Variants in PTPN13 observed in about 807,000 individuals in gnomAD.
The protein encoded by PTPN13 is tyrosine-protein phosphatase non-receptor type 13.
In PTPN13, 191 loss-of-function variants were observed where a neutral mutation model predicts 284.0. The observed-to-expected ratio is 0.67, with a 90% CI of 0.60 to 0.76. The LOEUF is 0.76. PTPN13 is among the 30% of genes least tolerant of loss of function. The pLI, the probability that PTPN13 is intolerant of heterozygous loss-of-function variation, is 0.00. For missense variants in PTPN13, 2,797 were observed against 2,939.9 expected, an observed-to-expected ratio of 0.95 and a Z score of 1.12; for synonymous variants, 986 against 1,022.3, an observed-to-expected ratio of 0.96 and a Z score of 0.68.
At chr4:86,656,693 G>GTC (rs1725863211) in intron 2 of PTPN13, among the ~76,000 whole-genome samples, 1 of 152,210 alleles carries the variant, frequency 6.6e-6, no homozygotes, top group Admixed American at 6.5e-5. Flanking sequence ...TGAGGAGGCA[G>GTC]TCTGTCTGTT....
chr4:86,596,528 C>T (rs971258200), intron 1 of PTPN13, among the ~76,000 whole-genome samples: 33 of 152,072 alleles, frequency 2.2e-4, no homozygotes, highest in African/African-American at 7.0e-4. Flanking sequence ...CTCCTAAATA[C>T]GGTATGTGAA....
Position 86,727,910 on chromosome 4 carries a change from G to A in PTPN13, c.1609-4490G>A, listed in dbSNP as rs973529819. Among the ~76,000 whole-genome samples, 20 of 149,424 alleles carry A rather than the reference G, an allele frequency of 1.3e-4. 3 individuals are homozygous for A. Among genetic ancestry groups the A allele is most frequent in the African/African-American group, 3.4e-4 (14 of 41,064 alleles). On this transcript the variant is annotated intron_variant, in intron 10 of 47. Transcript: ENST00000411767. Reference sequence around the variant, plus strand: ...TAGTTCTTTTAATTGTGATGTTAGGGTGTTGATTTTATATCTTTCCTGCTT... The same window carrying A: ...TAGTTCTTTTAATTGTGATGTTAGGATGTTGATTTTATATCTTTCCTGCTT...
In PTPN13 at chr4:86,750,642, G is replaced by T. The variant is rs748274481; in HGVS notation, c.2823G>T (p.Ser941=). ...ILKRLSCSEL[S]LYQPLQNSSK... is the part of the protein sequence containing the mutation. ...AGAGGCTATCCTGCTCAGAGCTGTC[G>T]CTTTACCAGCCATTGCAAAACAGTT... The change falls in exon 18 of 48, where the codon TCG becomes TCT. Residue 941 remains serine, a synonymous_variant. Transcript: ENST00000411767. 3.7e-6 allele frequency: 6 copies of T among 1,613,932 alleles called. No individual in the cohort carries two copies. Among genetic ancestry groups the T allele is most frequent in the Non-Finnish European group, 5.1e-6 (6 of 1,179,874 alleles).
At chr4:86,708,682 A>C (rs942734934) in intron 7 of PTPN13, among the ~76,000 whole-genome samples, 1 of 152,058 alleles carries the variant, frequency 6.6e-6, no homozygotes, top group African/African-American at 2.4e-5. Context: ...AAGACCCAGC[A>C]ATTTTAAACT....
chr4:86,615,032 A>G (rs142323388), intron 1 of PTPN13, among the ~76,000 whole-genome samples: 5 of 152,234 alleles, frequency 3.3e-5, no homozygotes, highest in African/African-American at 1.2e-4. Flanking sequence ...ATAGTACACA[A>G]TTTGTTTTTA....
At chr4:86,666,169 A>G (rs191845662) in intron 2 of PTPN13, among the ~76,000 whole-genome samples, 122 of 152,308 alleles carry the variant, frequency 8.0e-4, no homozygotes, top group African/African-American at 2.8e-3. Flanking sequence ...GGCTTACACT[A>G]TACTGTCTCT....
chr4:86,671,717 T>C (rs1727738061), intron 2 of PTPN13, among the ~76,000 whole-genome samples: 1 of 152,142 alleles, frequency 6.6e-6, no homozygotes, highest in African/African-American at 2.4e-5. Flanking sequence ...AATGAACAAA[T>C]GTAAATAAGA....
intron 39 of PTPN13, 41 bp downstream of exon 39, chr4:86,785,409 C>G (rs374492619): frequency 2.0e-6 from 3 of 1,491,556 alleles, no homozygotes; most frequent in Non-Finnish European, 2.7e-6. Flanking sequence ...CTATGGAGTA[C>G]AAAAACGTCT....
chr4:86,602,966 T>G (rs887283713), intron 1 of PTPN13, among the ~76,000 whole-genome samples: 1 of 152,186 alleles, frequency 6.6e-6, no homozygotes, highest in African/African-American at 2.4e-5. Flanking sequence ...CTTAAGGTGT[T>G]GGGATTACAG....
intron 2 of PTPN13, among the ~76,000 whole-genome samples, chr4:86,642,521 C>T (rs1166352270): frequency 2.2e-5 from 3 of 135,968 alleles, no homozygotes; most frequent in Admixed American, 8.3e-5. Flanking sequence ...GGTGCAATCT[C>T]GGCTCACTGC....
At chr4:86,613,649 A>G (rs957236327) in intron 1 of PTPN13, among the ~76,000 whole-genome samples, 2 of 150,844 alleles carry the variant, frequency 1.3e-5, no homozygotes, top group South Asian at 4.2e-4. Context: ...AAAAAAAAAA[A>G]AAGAGTTTGG....
intron 36 of PTPN13, among the ~76,000 whole-genome samples, chr4:86,780,789 T>A (rs1392248137): frequency 6.6e-6 from 1 of 152,108 alleles, no homozygotes; most frequent in Non-Finnish European, 1.5e-5. Flanking sequence ...TAAAAAGGAA[T>A]GGACTATTGA....
chr4:86,752,918 A>G (rs925860669), intron 19 of PTPN13, 91 bp from the exon 20 acceptor site: 9 of 883,338 alleles, frequency 1.0e-5, no homozygotes, highest in Non-Finnish European at 1.5e-5. Context: ...TTATTGTTCT[A>G]TTGATTTTTA....
At chr4:86,633,386 G>A (rs1000505097) in intron 1 of PTPN13, among the ~76,000 whole-genome samples, 1 of 152,062 alleles carries the variant, frequency 6.6e-6, no homozygotes, top group Non-Finnish European at 1.5e-5. Context: ...GATTCCTAAA[G>A]TGTGTATTAG....
chr4:86,637,652 A>G (rs1301687135), intron 2 of PTPN13, among the ~76,000 whole-genome samples: 3 of 151,098 alleles, frequency 2.0e-5, no homozygotes, highest in Admixed American at 2.0e-4. Flanking sequence ...AAAACTCTCA[A>G]TAAATTAGGT....
At chr4:86,781,849 G>C (rs1488781026) in intron 36 of PTPN13, among the ~76,000 whole-genome samples, 1 of 151,666 alleles carries the variant, frequency 6.6e-6, no homozygotes, top group Non-Finnish European at 1.5e-5. Flanking sequence ...TGTAATCCCA[G>C]ATACTTGGGA....
chr4:86,700,599 A>G (rs943963053), intron 6 of PTPN13, among the ~76,000 whole-genome samples: 2 of 152,186 alleles, frequency 1.3e-5, no homozygotes, highest in African/African-American at 4.8e-5. Flanking sequence ...TTTTTAGTGC[A>G]TGAGGGTCTG....
In PTPN13 at chr4:86,597,562, G is replaced by A. The variant is rs866295743; in HGVS notation, c.-6+2773G>A. 2.6e-5 allele frequency among the ~76,000 whole-genome samples: 4 copies of A among 152,248 alleles called. No homozygotes were observed. The East Asian group carries it at 5.8e-4, about 22-fold the overall frequency. On this transcript the variant is annotated intron_variant, in intron 1 of 47. Transcript: ENST00000411767. Reference sequence around the variant, plus strand: ...CTGTAAATGTCCCATCAAAACTCCCGTCTGTAAACTGCTTTGGGAGGTGGA... The same window carrying A: ...CTGTAAATGTCCCATCAAAACTCCCATCTGTAAACTGCTTTGGGAGGTGGA...
rs188826106 is a variant in PTPN13 at position 86,650,168 on chromosome 4, G to T, written c.115+14797G>T. On this transcript the variant is annotated intron_variant, in intron 2 of 47. Coordinates refer to ENST00000411767, the MANE Select transcript of PTPN13 (RefSeq NM_080683.3). The stretch of plus-strand genomic sequence containing the variant: ...CACCCGGATAATTTTTGTGTTTTTA[G>T]TAGAGATGGGGTTCTGCCATATTGG... Among the ~76,000 whole-genome samples the T allele has an allele frequency of 8.5e-5, 13 of 152,100 alleles. No homozygotes were observed. In the East Asian group the frequency reaches 2.5e-3, roughly 29 times the overall value.
Sources: gnomAD v4.1 joint callset for allele counts (sites outside exome capture counted in the v4.1 genomes callset) on GRCh38, gnomAD v4.1.1 for gene constraint, MANE v1.5 for transcripts, NCBI Gene and HGNC (gene_info 2026-07-23, HGNC 2026-07-21) for gene names.